The following TCF7L1 variants were observed in gnomAD, a reference collection of about 807,000 sequenced individuals.
TCF7L1 encodes transcription factor 7 like 1, also known as transcription factor 7-like 1.
TCF7L1 carries 18 observed loss-of-function variants against 63.7 expected under a neutral mutation model. The ratio of observed to expected loss-of-function variants is 0.28; its 90% CI spans 0.20 to 0.42. The LOEUF is 0.42. Among genes scored for constraint, TCF7L1 ranks in the 10% least tolerant of loss-of-function variants. TCF7L1 has a pLI of 1.00. For missense variants in TCF7L1, 654 were observed against 779.3 expected, an observed-to-expected ratio of 0.84 and a Z score of 1.91; for synonymous variants, 355 against 340.9, an observed-to-expected ratio of 1.04 and a Z score of -0.46.
chr2:85,252,382 C>T (rs1680611966), intron 3 of TCF7L1, among the ~76,000 whole-genome samples: 2 of 152,214 alleles, frequency 1.3e-5, no homozygotes, highest in South Asian at 4.1e-4. Flanking sequence ...GGCAGTTATA[C>T]CCTGTGATAA....
intron 4 of TCF7L1, among the ~76,000 whole-genome samples, chr2:85,284,387 C>A (rs1057376731): frequency 4.6e-5 from 7 of 152,174 alleles, no homozygotes; most frequent in African/African-American, 1.7e-4. Flanking sequence ...TCAGGGCAGC[C>A]GAGCCTCTTC....
chr2:85,308,399 C>T (rs1682175113), intron 11 of TCF7L1, among the ~76,000 whole-genome samples: 1 of 140,032 alleles, frequency 7.1e-6, no homozygotes, highest in Non-Finnish European at 1.5e-5. Flanking sequence ...CTCCCATTCT[C>T]CTTCCCTCCC....
chr2:85,188,395 G>C (rs1451993376), intron 3 of TCF7L1, among the ~76,000 whole-genome samples: 1 of 152,190 alleles, frequency 6.6e-6, no homozygotes, highest in Non-Finnish European at 1.5e-5. Flanking sequence ...GGGAGGCTAG[G>C]CTAGATGCTT....
chr2:85,198,080 G>A (rs1036789682), intron 3 of TCF7L1, among the ~76,000 whole-genome samples: 3 of 152,216 alleles, frequency 2.0e-5, no homozygotes, highest in Non-Finnish European at 2.9e-5. Context: ...AGTTGGGTGG[G>A]AGACTGAAGT....
At chr2:85,246,627 C>T (rs992286806) in intron 3 of TCF7L1, among the ~76,000 whole-genome samples, 1 of 152,194 alleles carries the variant, frequency 6.6e-6, no homozygotes, top group African/African-American at 2.4e-5. Context: ...TCCATCTGGC[C>T]GTTGCTCGGT....
rs745780799 is a variant in TCF7L1, at chr2:85,133,973, C to T, written c.249+40C>T. On this transcript the variant is annotated intron_variant, in intron 1 of 11. Transcript: ENST00000282111. This position sits in a 1 kb window ranked among gnomAD's most constrained non-coding sequence, Gnocchi z 4.4. ...CGGCCACCCCCGGGGGATCCCGGCCCTGCGTCCGCTCACCCGCTCTTGCCT... is the reference window on the plus strand; with the variant it reads ...CGGCCACCCCCGGGGGATCCCGGCCTTGCGTCCGCTCACCCGCTCTTGCCT... 1.3e-5 allele frequency: 21 copies of T among 1,586,752 alleles called. No homozygotes were observed. In the Middle Eastern group the frequency reaches 8.3e-4, roughly 63 times the overall value.
chr2:85,213,068 G>C (rs772376809), intron 3 of TCF7L1, among the ~76,000 whole-genome samples: 8 of 151,332 alleles, frequency 5.3e-5, no homozygotes, highest in East Asian at 1.9e-4. Flanking sequence ...GACTGGACTG[G>C]TGACCCAAGG....
chr2:85,238,035 G>A (rs951695282), intron 3 of TCF7L1, among the ~76,000 whole-genome samples: 1 of 152,162 alleles, frequency 6.6e-6, no homozygotes, highest in Admixed American at 6.5e-5. Context: ...CAGGGTCAGT[G>A]GGAGGAAAGG....
intron 3 of TCF7L1, among the ~76,000 whole-genome samples, chr2:85,259,187 C>T (rs1191387604): frequency 2.0e-5 from 3 of 152,190 alleles, no homozygotes; most frequent in African/African-American, 4.8e-5. Flanking sequence ...GTGGAATGAG[C>T]GGCCGAGCCG....
intron 4 of TCF7L1, among the ~76,000 whole-genome samples, chr2:85,298,793 G>C (rs990890930): frequency 6.6e-6 from 1 of 152,062 alleles, no homozygotes; most frequent in Non-Finnish European, 1.5e-5. Flanking sequence ...CCTAGTCCTC[G>C]GTTTGGGTAT....
chr2:85,287,538 T>A (rs1368325504), intron 4 of TCF7L1, among the ~76,000 whole-genome samples: 1 of 152,206 alleles, frequency 6.6e-6, no homozygotes, highest in Non-Finnish European at 1.5e-5. Flanking sequence ...TCCCTTATTT[T>A]GTCTAAGGGC....
intron 3 of TCF7L1, among the ~76,000 whole-genome samples, chr2:85,175,558 CAAT>C (rs1305955281): frequency 6.6e-6 from 1 of 152,182 alleles, no homozygotes; most frequent in Non-Finnish European, 1.5e-5. Flanking sequence ...AAATCGACAA[CAAT>C]GAGGTACACC....
In TCF7L1 at chr2:85,174,541, A is replaced by G. The variant is rs139401455; in HGVS notation, c.441+40091A>G. Among the ~76,000 whole-genome samples, 1,020 of 152,252 alleles carry G rather than the reference A, an allele frequency of 6.7e-3. 12 individuals are homozygous for G. The highest frequency in any genetic ancestry group is 0.023 in the African/African-American group (959 of 41,538). ...AGCAATGGTACATGCATCTCATTTAACTGGTCACTGTCAACTCCAAAAATG... is the reference window on the plus strand; with the variant it reads ...AGCAATGGTACATGCATCTCATTTAGCTGGTCACTGTCAACTCCAAAAATG... On this transcript the variant is annotated intron_variant, in intron 3 of 11. Transcript: ENST00000282111.
intron 3 of TCF7L1, among the ~76,000 whole-genome samples, chr2:85,263,841 G>A (rs1272354846): frequency 6.6e-6 from 1 of 152,266 alleles, no homozygotes; most frequent in East Asian, 1.9e-4. Context: ...CATAGGCCAA[G>A]GTTCTGAGGA....
chr2:85,219,252 A>G (rs1258629809), intron 3 of TCF7L1, among the ~76,000 whole-genome samples: 1 of 152,252 alleles, frequency 6.6e-6, no homozygotes, highest in Admixed American at 6.5e-5. Flanking sequence ...TGAGACGGCA[A>G]AAGTTAAAGT....
At chr2:85,189,114 G>A (rs892202840) in intron 3 of TCF7L1, among the ~76,000 whole-genome samples, 6 of 152,126 alleles carry the variant, frequency 3.9e-5, no homozygotes, top group Non-Finnish European at 4.4e-5. Flanking sequence ...CCAACTGGTG[G>A]AGGCTGCCCT....
At chr2:85,168,845 T>C (rs779656183) in intron 3 of TCF7L1, among the ~76,000 whole-genome samples, 59 of 152,282 alleles carry the variant, frequency 3.9e-4, no homozygotes, top group Middle Eastern at 6.8e-3. Context: ...GGTCTCAAAC[T>C]CCTGACCTCA....
In TCF7L1 at chr2:85,172,715, C is replaced by A. The variant is rs144729973; in HGVS notation, c.441+38265C>A. Reference sequence around the variant, plus strand: ...TGCTAGATTTATAGGCGTGAGCCACCGCGCCCGGCCACCTAGAACATTCTT... The same window carrying A: ...TGCTAGATTTATAGGCGTGAGCCACAGCGCCCGGCCACCTAGAACATTCTT... On this transcript the variant is annotated intron_variant, in intron 3 of 11. Transcript: ENST00000282111. Among the ~76,000 whole-genome samples, 1,056 of 152,274 alleles carry A rather than the reference C, an allele frequency of 6.9e-3. 17 individuals are homozygous for A. Among genetic ancestry groups the A allele is most frequent in the African/African-American group, 0.024 (994 of 41,552 alleles).
At chr2:85,307,454 G>T in intron 10 of TCF7L1, among the ~76,000 whole-genome samples, 188 bp from the exon 11 acceptor site, 1 of 152,112 alleles carries the variant, frequency 6.6e-6, no homozygotes, top group East Asian at 1.9e-4. Flanking sequence ...GCGTTTGTAG[G>T]GGAGGAAGGG....
Sources: allele counts gnomAD v4.1 joint callset (sites outside exome capture counted in the v4.1 genomes callset), GRCh38; gene constraint gnomAD v4.1.1; non-coding constraint Gnocchi (gnomAD v3.1); transcripts MANE v1.5; gene names NCBI Gene and HGNC (gene_info 2026-07-23, HGNC 2026-07-21).